The following PCDHA12 variants were observed in gnomAD, a reference collection of about 807,000 sequenced individuals.
PCDHA12 encodes protocadherin alpha-12.
PCDHA12 carries 44 observed loss-of-function variants against 60.0 expected under a neutral mutation model. That is an observed-to-expected ratio of 0.73 (90% CI 0.58 to 0.94). The LOEUF (loss-of-function observed/expected upper bound fraction) is 0.94, where lower values mean the gene tolerates loss of function less well. Ranked by LOEUF, PCDHA12 falls within the 40% of genes least tolerant of loss-of-function variation. The pLI is 0.00. For missense variants in PCDHA12, 1,276 were observed against 1,239.7 expected, an observed-to-expected ratio of 1.03 and a Z score of -0.44; for synonymous variants, 569 against 553.0, an observed-to-expected ratio of 1.03 and a Z score of -0.40.
intron 1 of PCDHA12, among the ~76,000 whole-genome samples, chr5:140,964,119 TAAC>T (rs146855097): frequency 0.014 from 2,059 of 152,320 alleles, 49 homozygotes; most frequent in African/African-American, 0.047. Context: ...AATCACATTC[TAAC>T]AACTAGTAAG....
chr5:140,939,283 GATCTAATC>G lies in PCDHA12; in HGVS notation c.2368-39661_2368-39654del, dbSNP rs1257109202. ...TCTTTTATGAGAGCTGTGCCCTCGT[GATCTAATC>G]ATCTCTACAAAAGCCCTACCTCCTA... On this transcript the variant is annotated intron_variant, in intron 1 of 3. Coordinates refer to ENST00000398631, the MANE Select transcript of PCDHA12 (RefSeq NM_018903.4). Among the ~76,000 whole-genome samples the G allele has an allele frequency of 2.0e-5, 3 of 152,184 alleles. No homozygotes were observed. In the East Asian group the frequency reaches 5.8e-4, roughly 29 times the overall value.
chr5:140,969,473 A>G (rs562575347), intron 1 of PCDHA12: 1 of 1,478,090 alleles, frequency 6.8e-7, no homozygotes, highest in Non-Finnish European at 9.0e-7. Flanking sequence ...CCACAATTTG[A>G]TCATAATCTG....
At chr5:140,941,202 C>CCTTTCTTCCTTCCTTTCTTTCTTT (rs1394736170) in intron 1 of PCDHA12, among the ~76,000 whole-genome samples, 4 of 122,742 alleles carry the variant, frequency 3.3e-5, no homozygotes, top group African/African-American at 5.9e-5. Context: ...TTTCTTTCTT[C>CCTTTCTTCCTTCCTTTCTTTCTTT]CTTTCTTTCT....
intron 1 of PCDHA12, among the ~76,000 whole-genome samples, chr5:140,895,090 T>A (rs2064836305): frequency 6.6e-6 from 1 of 152,190 alleles, no homozygotes; most frequent in Non-Finnish European, 1.5e-5. Flanking sequence ...CTCCTCAGTA[T>A]AGGGGTTTTT....
At chr5:140,919,926 T>C (rs1040693581) in intron 1 of PCDHA12, among the ~76,000 whole-genome samples, 18 of 152,088 alleles carry the variant, frequency 1.2e-4, no homozygotes, top group African/African-American at 4.1e-4. Flanking sequence ...AATTTTCAGG[T>C]GGGGGCTAAT....
At chr5:140,980,835 T>A (rs2096907301) in intron 2 of PCDHA12, among the ~76,000 whole-genome samples, 1 of 152,220 alleles carries the variant, frequency 6.6e-6, no homozygotes, top group South Asian at 2.1e-4. Flanking sequence ...GTTGTGAACC[T>A]AAATAATACT....
At chr5:140,908,021 C>T (rs958070573) in intron 1 of PCDHA12, among the ~76,000 whole-genome samples, 28 of 152,314 alleles carry the variant, frequency 1.8e-4, no homozygotes, top group African/African-American at 6.7e-4. Flanking sequence ...TGGCTACAGC[C>T]CATTAATCAG....
At chr5:140,967,879 T>C in intron 1 of PCDHA12, 1 of 1,614,104 alleles carries the variant, frequency 6.2e-7, no homozygotes, top group Non-Finnish European at 8.5e-7. Context: ...CGGACCTGTA[T>C]AGCCCAGTGC....
intron 3 of PCDHA12, among the ~76,000 whole-genome samples, chr5:141,007,422 G>C (rs190866782): frequency 7.0e-6 from 1 of 143,592 alleles, no homozygotes; most frequent in Non-Finnish European, 1.5e-5. Flanking sequence ...AAAAAAATTA[G>C]CCAGGCATGG....
At chr5:140,997,472 C>CACA (rs1386540010) in intron 3 of PCDHA12, among the ~76,000 whole-genome samples, 12 of 152,120 alleles carry the variant, frequency 7.9e-5, no homozygotes, top group Non-Finnish European at 1.8e-4. Context: ...GCAATTTTTA[C>CACA]ACAATGATAA....
intron 3 of PCDHA12, among the ~76,000 whole-genome samples, chr5:140,996,992 T>A (rs565740982): frequency 3.9e-5 from 6 of 152,324 alleles, no homozygotes; most frequent in African/African-American, 1.4e-4. Flanking sequence ...CAACCACTGT[T>A]AACAATTTTG....
intron 1 of PCDHA12, among the ~76,000 whole-genome samples, chr5:140,879,278 T>C (rs2057927174): frequency 6.6e-6 from 1 of 152,180 alleles, no homozygotes; most frequent in Non-Finnish European, 1.5e-5. Flanking sequence ...ACAGACTCAA[T>C]ACAAATGATA....
intron 2 of PCDHA12, among the ~76,000 whole-genome samples, chr5:140,982,084 A>G (rs2096965344): frequency 6.6e-6 from 1 of 152,266 alleles, no homozygotes; most frequent in East Asian, 1.9e-4. Flanking sequence ...TAGAGAACCT[A>G]GGAACAAGAG....
chr5:140,999,854 C>T (rs1459226420), intron 3 of PCDHA12, among the ~76,000 whole-genome samples: 4 of 152,112 alleles, frequency 2.6e-5, no homozygotes, highest in Admixed American at 1.3e-4. Context: ...TTATCTCTTC[C>T]GCTCCAAGAT....
intron 1 of PCDHA12, among the ~76,000 whole-genome samples, chr5:140,896,714 T>C (rs1554187081): frequency 6.6e-6 from 1 of 152,180 alleles, no homozygotes; most frequent in African/African-American, 2.4e-5. Flanking sequence ...TGTTTTTTGC[T>C]TGTTAATTTG....
At chr5:140,964,173 C>A (rs1052958313) in intron 1 of PCDHA12, among the ~76,000 whole-genome samples, 5 of 152,174 alleles carry the variant, frequency 3.3e-5, no homozygotes, top group Non-Finnish European at 7.4e-5. Context: ...GGAACGAAAT[C>A]ATTATAGTGC....
Position 141,009,965 on chromosome 5 carries a change from G to A in PCDHA12, c.*28G>A, listed in dbSNP as rs782001097. On this transcript the variant is annotated 3_prime_UTR_variant, in exon 4 of 4. Coordinates refer to ENST00000398631, the MANE Select transcript of PCDHA12 (RefSeq NM_018903.4). ...TCCTCAAATGGAAACAAGCCACTTA[G>A]CCAGTTTTTGTAATAATGGCAAATC... is the stretch of plus-strand genomic sequence containing the variant. 1.6e-5 allele frequency: 26 copies of A among 1,587,906 alleles called. No individual in the cohort carries two copies. Among genetic ancestry groups the A allele is most frequent in the Non-Finnish European group, 2.6e-6 (3 of 1,170,436 alleles).
intron 3 of PCDHA12, among the ~76,000 whole-genome samples, chr5:141,001,157 A>T (rs1554258022): frequency 6.6e-6 from 1 of 152,136 alleles, no homozygotes; most frequent in African/African-American, 2.4e-5. Flanking sequence ...TGATCTTAAT[A>T]AGTAAAATTT....
chr5:140,945,455 A>G (rs2093793181), intron 1 of PCDHA12, among the ~76,000 whole-genome samples: 1 of 152,192 alleles, frequency 6.6e-6, no homozygotes, highest in African/African-American at 2.4e-5. Flanking sequence ...AACTTCCCTA[A>G]AATTTGCATG....
Sources: gnomAD v4.1 joint callset for allele counts (sites outside exome capture counted in the v4.1 genomes callset) on GRCh38, gnomAD v4.1.1 for gene constraint, MANE v1.5 for transcripts, NCBI Gene and HGNC (gene_info 2026-07-23, HGNC 2026-07-21) for gene names.